The following CNTN1 variants were observed in gnomAD, a reference collection of about 807,000 sequenced individuals.
CNTN1 encodes the protein contactin-1.
Under a neutral mutation model 126.4 loss-of-function variants are expected in CNTN1, and 38 were observed. That is an observed-to-expected ratio of 0.30 (90% confidence interval 0.23 to 0.39). CNTN1 has a LOEUF of 0.39. Ranked by LOEUF, CNTN1 falls within the 10% of genes least tolerant of loss-of-function variation. The pLI is 1.00. For missense variants in CNTN1, 1,009 were observed against 1,248.4 expected (o/e 0.81, Z 2.89); for synonymous variants, 413 against 422.6 (o/e 0.98, Z 0.28).
At chr12:40,783,280 T>G (rs1939876373) in intron 1 of CNTN1, among the ~76,000 whole-genome samples, 1 of 151,970 alleles carries the variant, frequency 6.6e-6, no homozygotes, top group South Asian at 2.1e-4. Context: ...AAGCTGGCAT[T>G]TTAAACATAA....
At chr12:40,700,195 C>T (rs1013929) in intron 1 of CNTN1, among the ~76,000 whole-genome samples, 92,952 of 152,044 alleles carry the variant, frequency 0.61, 29,211 homozygotes, top group East Asian at 0.84. Context: ...AAGTACAATG[C>T]TCTTTCCCTT....
Position 40,929,796 on chromosome 12 carries a change from A to T in CNTN1, c.497A>T (p.Asp166Val), listed in dbSNP as rs575968419. The change falls in exon 7 of 24, where the codon GAT becomes GTT. Residue 166 changes from aspartate (D) to valine (V), a missense_variant and splice_region_variant. Asp to Val is a radical substitution (Grantham distance 152). Coordinates refer to ENST00000551295, the MANE Select transcript of CNTN1 (RefSeq NM_001843.4). The stretch of plus-strand genomic sequence containing the variant: ...TTTAGAAGGCAATATTTTCTCCTAG[A>T]TGATCTTAGCTATCGCTGGCTTCTA... ...LLCDPPYHFP[D>V]DLSYRWLLNE... The T allele has an allele frequency of 6.2e-7, 1 of 1,609,756 alleles. No homozygotes were observed. Among genetic ancestry groups the T allele is most frequent in the East Asian group, 2.2e-5 (1 of 44,790 alleles).
chr12:40,850,829 T>C (rs1482214846), intron 1 of CNTN1, among the ~76,000 whole-genome samples: 1 of 152,182 alleles, frequency 6.6e-6, no homozygotes, highest in Non-Finnish European at 1.5e-5. Context: ...CTGTACTAAA[T>C]CTAAGCCAAT....
At chr12:40,794,370 T>C (rs1940331071) in intron 1 of CNTN1, among the ~76,000 whole-genome samples, 1 of 151,894 alleles carries the variant, frequency 6.6e-6, no homozygotes, top group South Asian at 2.1e-4. Flanking sequence ...TCAAGATAGA[T>C]AGATGGCTGA....
chr12:40,947,764 CATATAT>C (rs34815270), intron 14 of CNTN1, among the ~76,000 whole-genome samples: 13 of 68,266 alleles, frequency 1.9e-4, no homozygotes, highest in South Asian at 4.4e-4. Context: ...GTCACTATTT[CATATAT>C]ATATATATAT....
intron 15 of CNTN1, chr12:40,972,428 C>T (rs1947545799): frequency 1.0e-6 from 1 of 983,738 alleles, no homozygotes; most frequent in Admixed American, 6.2e-5. Context: ...TTTTGATTTT[C>T]TTAGACAGGT....
Position 40,929,833 on chromosome 12 carries a change from T to C in CNTN1, c.534T>C (p.Pro178=). Residue 178 remains proline (P), a synonymous_variant, in exon 7 of 24, where the codon CCT becomes CCC. Transcript: ENST00000551295. ...ATCGCTGGCTTCTAAATGAATTTCC[T>C]GTATTTATCACAATGGATAAACGGC... is the stretch of plus-strand genomic sequence containing the variant. ...LSYRWLLNEF[P]VFITMDKRRF... 6.2e-7 allele frequency: 1 copy of C among 1,612,454 alleles called. No homozygotes were observed. Among genetic ancestry groups the C allele is most frequent in the Non-Finnish European group, 8.5e-7 (1 of 1,178,920 alleles).
intron 1 of CNTN1, among the ~76,000 whole-genome samples, chr12:40,721,436 A>C (rs1221714454): frequency 6.6e-6 from 1 of 152,102 alleles, no homozygotes; most frequent in Admixed American, 6.5e-5. Context: ...TGCCAAAGAG[A>C]AATGCCAAAG....
chr12:40,820,011 G>T (rs1941396148), intron 1 of CNTN1, among the ~76,000 whole-genome samples: 1 of 152,166 alleles, frequency 6.6e-6, no homozygotes, highest in Non-Finnish European at 1.5e-5. Context: ...TTTGATGAGA[G>T]AACCTGGATA....
intron 7 of CNTN1, among the ~76,000 whole-genome samples, chr12:40,931,544 T>C (rs1185627575): frequency 6.6e-6 from 1 of 152,030 alleles, no homozygotes; most frequent in Middle Eastern, 3.2e-3. Context: ...CCCAGAAAGC[T>C]CTCACAGATG....
At chr12:40,877,447 C>T (rs1201591623) in intron 1 of CNTN1, among the ~76,000 whole-genome samples, 2 of 152,140 alleles carry the variant, frequency 1.3e-5, no homozygotes, top group Non-Finnish European at 2.9e-5. Flanking sequence ...TCATATAACC[C>T]AGTTTTCTGC....
chr12:41,042,434 C>A (rs11834513), intron 23 of CNTN1, among the ~76,000 whole-genome samples: 3 of 151,642 alleles, frequency 2.0e-5, no homozygotes, highest in Admixed American at 2.0e-4. Flanking sequence ...CTATTAGGTC[C>A]GCTTGGTGCA....
intron 1 of CNTN1, among the ~76,000 whole-genome samples, chr12:40,844,733 C>T (rs765111000): frequency 2.6e-5 from 4 of 152,064 alleles, no homozygotes; most frequent in Non-Finnish European, 4.4e-5. Flanking sequence ...TTTATGCATA[C>T]CCATGCAATG....
intron 1 of CNTN1, among the ~76,000 whole-genome samples, chr12:40,887,256 T>G (rs1370726726): frequency 6.6e-6 from 1 of 152,116 alleles, no homozygotes; most frequent in African/African-American, 2.4e-5. Context: ...AGCAGTGGTT[T>G]GTAGTTCTCC....
At chr12:40,943,837 G>T in intron 13 of CNTN1, 113 bp downstream of exon 13, 21 of 1,443,418 alleles carry the variant, frequency 1.5e-5, no homozygotes, top group Non-Finnish European at 2.0e-5. Flanking sequence ...AGAATTTCAG[G>T]CAAGTTTCTT....
At chr12:40,773,527 G>A (rs1174648018) in intron 1 of CNTN1, among the ~76,000 whole-genome samples, 1 of 150,684 alleles carries the variant, frequency 6.6e-6, no homozygotes, top group Non-Finnish European at 1.5e-5. Flanking sequence ...TGAGCAGCAG[G>A]AAGCTACAGA....
intron 15 of CNTN1, among the ~76,000 whole-genome samples, chr12:40,970,043 A>C (rs890005653): frequency 7.2e-5 from 11 of 152,042 alleles, no homozygotes; most frequent in Non-Finnish European, 1.6e-4. Context: ...CATTCCTGAG[A>C]ATTTCTCGAG....
intron 14 of CNTN1, among the ~76,000 whole-genome samples, chr12:40,953,438 A>G (rs967725854): frequency 7.2e-5 from 11 of 152,098 alleles, no homozygotes; most frequent in African/African-American, 2.7e-4. Context: ...AGGTATGGAA[A>G]GTGCTAGTAG....
At chr12:40,760,020 G>A (rs1938792862) in intron 1 of CNTN1, among the ~76,000 whole-genome samples, 1 of 151,918 alleles carries the variant, frequency 6.6e-6, no homozygotes, top group African/African-American at 2.4e-5. Context: ...TTTGCCTGTT[G>A]GTCAGGGACA....
Sources: gnomAD v4.1 joint callset for allele counts (sites outside exome capture counted in the v4.1 genomes callset) on GRCh38, gnomAD v4.1.1 for gene constraint, MANE v1.5 for transcripts, NCBI Gene and HGNC (gene_info 2026-07-23, HGNC 2026-07-21) for gene names.